Variants in EPHA6 observed in about 807,000 individuals in gnomAD.
EPHA6 encodes the protein ephrin type-A receptor 6.
Under a neutral mutation model 112.0 loss-of-function variants are expected in EPHA6, and 50 were observed. That is an observed-to-expected ratio of 0.45 (90% CI 0.36 to 0.56). EPHA6 has a LOEUF of 0.56. EPHA6 is among the 20% of genes least tolerant of loss of function. EPHA6 has a pLI of 0.00. For missense variants in EPHA6, 1,280 were observed against 1,417.4 expected (o/e 0.90, Z 1.56); for synonymous variants, 529 against 490.7 (o/e 1.08, Z -1.03).
intron 5 of EPHA6, among the ~76,000 whole-genome samples, chr3:97,342,292 A>G (rs2083343375): frequency 6.6e-6 from 1 of 152,216 alleles, no homozygotes; most frequent in South Asian, 2.1e-4. Flanking sequence ...AGTAAAGTTC[A>G]CCCTTTTAAA....
At chr3:97,316,159 C>A (rs995480256) in intron 5 of EPHA6, among the ~76,000 whole-genome samples, 8 of 151,462 alleles carry the variant, frequency 5.3e-5, no homozygotes, top group African/African-American at 1.7e-4. Context: ...AATATATTTC[C>A]CTCAAGATAT....
intron 3 of EPHA6, among the ~76,000 whole-genome samples, chr3:97,018,496 G>A (rs1283437366): frequency 8.5e-5 from 13 of 152,206 alleles, no homozygotes; most frequent in South Asian, 2.1e-4. Flanking sequence ...GTAAGGCCAC[G>A]TGGGTCACGT....
chr3:97,093,392 A>G (rs1234571195), intron 3 of EPHA6, among the ~76,000 whole-genome samples: 2 of 152,030 alleles, frequency 1.3e-5, no homozygotes, highest in African/African-American at 4.8e-5. Context: ...CTACCAAAAA[A>G]TACAAAAATT....
At chr3:97,667,147 GC>G (rs2030214167) in intron 14 of EPHA6, among the ~76,000 whole-genome samples, 1 of 152,108 alleles carries the variant, frequency 6.6e-6, no homozygotes, top group Non-Finnish European at 1.5e-5. Flanking sequence ...TTGATTGCAT[GC>G]ATTCATAATT....
chr3:96,988,459 G>C (rs1449318172), intron 3 of EPHA6, among the ~76,000 whole-genome samples: 3 of 151,970 alleles, frequency 2.0e-5, no homozygotes, highest in African/African-American at 7.2e-5. Context: ...TGATTTCCCT[G>C]GTGTTCACAT....
intron 11 of EPHA6, among the ~76,000 whole-genome samples, chr3:97,573,117 C>T (rs905890268): frequency 2.0e-5 from 3 of 152,168 alleles, no homozygotes; most frequent in Admixed American, 6.5e-5. Context: ...AAGAATAATG[C>T]TAAACTCTTA....
At chr3:97,454,392 A>G (rs2090617943) in intron 7 of EPHA6, among the ~76,000 whole-genome samples, 1 of 151,844 alleles carries the variant, frequency 6.6e-6, no homozygotes, top group Admixed American at 6.6e-5. Flanking sequence ...CAAAAATACT[A>G]AAGAATGGTA....
chr3:97,759,841 G>T lies in EPHA6; in HGVS notation c.*11140G>T, dbSNP rs894708391. 1.4e-5 allele frequency: 3 copies of T among 214,736 alleles called. No homozygotes were observed. Among genetic ancestry groups the T allele is most frequent in the African/African-American group, 4.5e-5 (2 of 44,286 alleles). 13.3% of individuals were successfully genotyped at this position (214,736 alleles called of 1,614,324 possible). A position where few individuals can be genotyped will look rare whatever the true frequency, so the allele number is the denominator to read the frequency against. On this transcript the variant is annotated 3_prime_UTR_variant, in exon 18 of 18. Coordinates refer to ENST00000389672, the MANE Select transcript of EPHA6 (RefSeq NM_001080448.3). ...ATATATTTGATGAAATATTTTAAAG[G>T]CATCTTTACTAAATATTTTTGAGAC...
chr3:97,049,965 G>C (rs990049999), intron 3 of EPHA6, among the ~76,000 whole-genome samples: 1 of 152,146 alleles, frequency 6.6e-6, no homozygotes, highest in Admixed American at 6.5e-5. Context: ...CCAAACTATA[G>C]CAATGTGTTT....
At chr3:97,582,862 G>C (rs568483141) in intron 11 of EPHA6, among the ~76,000 whole-genome samples, 42 of 152,154 alleles carry the variant, frequency 2.8e-4, no homozygotes, top group African/African-American at 9.9e-4. Context: ...AGATAGTGCT[G>C]CCAAGGATGT....
In EPHA6 at chr3:97,752,668, C is replaced by T. The variant is rs374226925; in HGVS notation, c.*3967C>T. ...TATCACATAATTGAGAACATTTGTA[C>T]TCACAGAGGATATGGGTTCTGGCTT... is the stretch of plus-strand genomic sequence containing the variant. On this transcript the variant is annotated 3_prime_UTR_variant, in exon 18 of 18. Transcript: ENST00000389672. 2.0e-5 allele frequency among the ~76,000 whole-genome samples: 3 copies of T among 152,204 alleles called. No individual in the cohort carries two copies. The East Asian group carries it at 5.8e-4, about 29-fold the overall frequency.
chr3:97,239,954 G>T (rs1453451086), intron 4 of EPHA6, among the ~76,000 whole-genome samples: 3 of 151,808 alleles, frequency 2.0e-5, no homozygotes, highest in Non-Finnish European at 1.5e-5. Context: ...AATACTGGCT[G>T]TCATTCTACC....
chr3:97,683,343 A>G (rs2032006319), intron 14 of EPHA6, among the ~76,000 whole-genome samples: 1 of 152,154 alleles, frequency 6.6e-6, no homozygotes, highest in South Asian at 2.1e-4. Context: ...TTATATATGC[A>G]GTACCACTCA....
rs576690409 is a variant in EPHA6, at chr3:97,267,212, A to G, written c.1606+22925A>G. ...TTTCAAAAGCCACTTAAACAAACCT[A>G]GTATGTTTTCTCTCTTATTTCTCTT... On this transcript the variant is annotated intron_variant, in intron 5 of 17. Coordinates refer to ENST00000389672, the MANE Select transcript of EPHA6 (RefSeq NM_001080448.3). 6.6e-5 allele frequency among the ~76,000 whole-genome samples: 10 copies of G among 152,170 alleles called. No individual in the cohort carries two copies. In the South Asian group the frequency reaches 1.9e-3, roughly 28 times the overall value.
intron 2 of EPHA6, among the ~76,000 whole-genome samples, chr3:96,900,555 G>T (rs1004766030): frequency 6.6e-6 from 1 of 152,182 alleles, no homozygotes; most frequent in African/African-American, 2.4e-5. Context: ...CAATTATATA[G>T]GAAATACTAA....
chr3:96,935,955 A>G (rs1250014435), intron 2 of EPHA6, among the ~76,000 whole-genome samples: 1 of 151,992 alleles, frequency 6.6e-6, no homozygotes, highest in Non-Finnish European at 1.5e-5. Flanking sequence ...GAGCTGCTAA[A>G]ACAGTATGGA....
intron 3 of EPHA6, among the ~76,000 whole-genome samples, chr3:97,024,324 A>T (rs917439031): frequency 1.3e-5 from 2 of 152,196 alleles, no homozygotes; most frequent in Admixed American, 1.3e-4. Flanking sequence ...GTAAGATATG[A>T]TTAATATGTC....
At chr3:97,543,307 A>G (rs1484716065) in intron 11 of EPHA6, among the ~76,000 whole-genome samples, 3 of 152,124 alleles carry the variant, frequency 2.0e-5, no homozygotes, top group Non-Finnish European at 2.9e-5. Context: ...TCAGCTTTCT[A>G]CATATGGCTA....
chr3:97,023,980 C>T (rs1372462283), intron 3 of EPHA6, among the ~76,000 whole-genome samples: 10 of 152,126 alleles, frequency 6.6e-5, no homozygotes, highest in Admixed American at 1.3e-4. Context: ...TCACAATCTC[C>T]GTTTCTGTTT....
Sources: allele counts gnomAD v4.1 joint callset (sites outside exome capture counted in the v4.1 genomes callset), GRCh38; gene constraint gnomAD v4.1.1; transcripts MANE v1.5; gene names NCBI Gene and HGNC (gene_info 2026-07-23, HGNC 2026-07-21).